TXNRD2: variants seen among roughly 807,000 people sequenced by gnomAD.
The protein encoded by TXNRD2 is thioredoxin reductase 2, mitochondrial.
Under a neutral mutation model 70.8 loss-of-function variants are expected in TXNRD2, and 67 were observed. That is an observed-to-expected ratio of 0.95 (90% CI 0.78 to 1.16). The LOEUF (loss-of-function observed/expected upper bound fraction) is 1.16, where lower values mean the gene tolerates loss of function less well. Among genes scored for constraint, TXNRD2 ranks in the 50% most tolerant of loss-of-function variants. The probability of loss-of-function intolerance (pLI) is 0.00; values close to 1 mark genes in which losing one functional copy is unlikely to be tolerated. For missense variants in TXNRD2, 644 were observed against 719.9 expected (o/e 0.89, Z 1.21); for synonymous variants, 301 against 295.8 (o/e 1.02, Z -0.18).
intron 11 of TXNRD2, among the ~76,000 whole-genome samples, chr22:19,886,725 C>T (rs1939049944): frequency 6.6e-6 from 1 of 152,266 alleles, no homozygotes; most frequent in Admixed American, 6.5e-5. Flanking sequence ...CACTGCAGGC[C>T]TCCCCATGGG....
chr22:19,919,617 GC>G lies in TXNRD2; in HGVS notation c.173-19del, dbSNP rs770032943. ...CTGGGCGGCTGGAAGGATAAGGAGAGCAGCAGGTGAGCATGGGGAGCTGGCT... is the reference window on the plus strand; with the variant it reads ...CTGGGCGGCTGGAAGGATAAGGAGAGAGCAGGTGAGCATGGGGAGCTGGCT... On this transcript the variant is annotated intron_variant, in intron 2 of 17. Transcript: ENST00000400521. The G allele has an allele frequency of 4.6e-4, 721 of 1,552,152 alleles. No individual in the cohort carries two copies. Among genetic ancestry groups the G allele is most frequent in the Non-Finnish European group, 6.0e-4 (686 of 1,148,950 alleles).
intron 11 of TXNRD2, among the ~76,000 whole-genome samples, chr22:19,893,433 G>A (rs181702173): frequency 6.7e-4 from 102 of 152,356 alleles, no homozygotes; most frequent in African/African-American, 2.4e-3. Context: ...CAGGCATGCT[G>A]TGTGTGCCGC....
intron 1 of TXNRD2, chr22:19,932,304 G>C (rs1941395805): frequency 6.2e-7 from 1 of 1,611,862 alleles, no homozygotes; most frequent in African/African-American, 1.3e-5. Context: ...AGCTGCCTGG[G>C]CTCAGGTTTC....
chr22:19,900,455 A>C (rs1939721884), intron 8 of TXNRD2, among the ~76,000 whole-genome samples: 1 of 152,226 alleles, frequency 6.6e-6, no homozygotes, highest in Non-Finnish European at 1.5e-5. Context: ...CTTTTGTTTA[A>C]GATATGAAGT....
chr22:19,928,636 C>T (rs1941242756), intron 2 of TXNRD2, among the ~76,000 whole-genome samples: 1 of 152,188 alleles, frequency 6.6e-6, no homozygotes, highest in Admixed American at 6.5e-5. Flanking sequence ...GCCATATCCC[C>T]TCAAAATCCC....
chr22:19,933,391 C>T, intron 1 of TXNRD2: 2 of 1,250,892 alleles, frequency 1.6e-6, no homozygotes, highest in African/African-American at 1.5e-5. Flanking sequence ...TCTCTCTCCT[C>T]CAGCTGCCTG....
At chr22:19,917,017 C>G (rs1029851942) in intron 5 of TXNRD2, among the ~76,000 whole-genome samples, 8 of 152,222 alleles carry the variant, frequency 5.3e-5, no homozygotes, top group African/African-American at 1.9e-4. Flanking sequence ...CCTCTATGGG[C>G]TGTCTGAGCT....
intron 1 of TXNRD2, among the ~76,000 whole-genome samples, chr22:19,937,461 A>G (rs915192865): frequency 1.3e-5 from 2 of 152,218 alleles, no homozygotes; most frequent in Non-Finnish European, 2.9e-5. Flanking sequence ...TCTTCTTCAT[A>G]TGTTAGCTTT....
At chr22:19,885,121 C>A (rs1938965335) in intron 11 of TXNRD2, among the ~76,000 whole-genome samples, 1 of 152,172 alleles carries the variant, frequency 6.6e-6, no homozygotes, top group Admixed American at 6.5e-5. Flanking sequence ...CTCTTCATAG[C>A]CGAACAGCCA....
rs368602219 is a variant in TXNRD2, at chr22:19,889,961, G to C, written c.949+5446C>G. 2.0e-5 allele frequency among the ~76,000 whole-genome samples: 3 copies of C among 151,738 alleles called. No homozygotes were observed. In the East Asian group the frequency reaches 5.8e-4, roughly 29 times the overall value. ...GTTCTAATCATTAAGTACTGAATTT[G>C]TCATGGTAACAAGACCCAGTTGGAC... On this transcript the variant is annotated intron_variant, in intron 11 of 17. Coordinates refer to ENST00000400521, the MANE Select transcript of TXNRD2 (RefSeq NM_006440.5).
chr22:19,909,601 TC>T (rs1940242453), intron 8 of TXNRD2, among the ~76,000 whole-genome samples: 1 of 16,210 alleles, frequency 6.2e-5, no homozygotes, highest in African/African-American at 2.4e-4. Flanking sequence ...CACACACCAC[TC>T]ACACACACAC....
chr22:19,911,291 A>T, intron 8 of TXNRD2, 86 bp downstream of exon 8: 1 of 1,104,018 alleles, frequency 9.1e-7, no homozygotes, highest in Non-Finnish European at 1.4e-6. Context: ...AAGCCCCAGG[A>T]GCCCAGCACC....
rs1938596181 is a variant in TXNRD2 at position 19,878,194 on chromosome 22, G to A, written c.1348-7C>T. 6.2e-7 allele frequency: 1 copy of A among 1,612,570 alleles called. No homozygotes were observed. Among genetic ancestry groups the A allele is most frequent in the South Asian group, 1.1e-5 (1 of 91,068 alleles). On this transcript the variant is annotated splice_region_variant and splice_polypyrimidine_tract_variant and intron_variant, in intron 15 of 17. Coordinates refer to ENST00000400521, the MANE Select transcript of TXNRD2 (RefSeq NM_006440.5). ...GCTCCCTCAGGCACACCATCTGAAA[G>A]CCGCACATCTCAGCCACCAGCCCAG...
intron 5 of TXNRD2, among the ~76,000 whole-genome samples, chr22:19,917,630 T>C (rs745537560): frequency 1.3e-5 from 2 of 152,114 alleles, no homozygotes; most frequent in Admixed American, 6.5e-5. Flanking sequence ...CAGGGGAGCA[T>C]AGGCCTCTGT....
chr22:19,935,668 G>A (rs1941512508), intron 1 of TXNRD2, among the ~76,000 whole-genome samples: 1 of 152,208 alleles, frequency 6.6e-6, no homozygotes, highest in Non-Finnish European at 1.5e-5. Context: ...CAGCAGCCCA[G>A]CTGTAAAATT....
intron 10 of TXNRD2, among the ~76,000 whole-genome samples, chr22:19,897,821 G>C (rs1378737711): frequency 6.6e-6 from 1 of 152,232 alleles, no homozygotes; most frequent in Non-Finnish European, 1.5e-5. Context: ...GTCGGCTGGA[G>C]GCCTCTGTGC....
intron 15 of TXNRD2, 39 bp downstream of exon 15, chr22:19,878,327 C>T (rs746270538): frequency 1.6e-5 from 25 of 1,610,108 alleles, no homozygotes; most frequent in Non-Finnish European, 2.1e-5. Flanking sequence ...TGCCACCCTC[C>T]CTCTCATCCT....
At chr22:19,935,727 A>T (rs1941514064) in intron 1 of TXNRD2, among the ~76,000 whole-genome samples, 1 of 152,168 alleles carries the variant, frequency 6.6e-6, no homozygotes, top group Non-Finnish European at 1.5e-5. Flanking sequence ...ACACTTACAG[A>T]AAATAGAAAG....
chr22:19,885,849 C>T (rs1433816350), intron 11 of TXNRD2, among the ~76,000 whole-genome samples: 1 of 152,232 alleles, frequency 6.6e-6, no homozygotes, highest in Non-Finnish European at 1.5e-5. Context: ...CTTGCAGGTG[C>T]TGACCAAACC....
Sources: gnomAD v4.1 joint callset for allele counts (sites outside exome capture counted in the v4.1 genomes callset) on GRCh38, gnomAD v4.1.1 for gene constraint, MANE v1.5 for transcripts, NCBI Gene and HGNC (gene_info 2026-07-23, HGNC 2026-07-21) for gene names.